POC1A: variants seen among roughly 807,000 people sequenced by gnomAD.
The protein encoded by POC1A is POC1 centriolar protein A.
Under a neutral mutation model 47.8 loss-of-function variants are expected in POC1A, and 34 were observed. That is an observed-to-expected ratio of 0.71 (90% CI 0.54 to 0.95). The LOEUF is 0.95. POC1A is among the 40% of genes least tolerant of loss of function. The pLI, the probability that POC1A is intolerant of heterozygous loss-of-function variation, is 0.00. For synonymous variants in POC1A, 177 were observed against 207.6 expected, an observed-to-expected ratio of 0.85 and a Z score of 1.27; for missense variants, 466 against 528.3, an observed-to-expected ratio of 0.88 and a Z score of 1.16.
chr3:52,091,355 C>G (rs1702641315), intron 10 of POC1A, among the ~76,000 whole-genome samples: 1 of 152,252 alleles, frequency 6.6e-6, no homozygotes, highest in Non-Finnish European at 1.5e-5. Context: ...CAAAGAAAAT[C>G]TTCAGTTCCA....
intron 7 of POC1A, among the ~76,000 whole-genome samples, chr3:52,128,516 CA>C: frequency 6.6e-6 from 1 of 152,210 alleles, no homozygotes; most frequent in Non-Finnish European, 1.5e-5. Context: ...AGGTACCTTC[CA>C]CGAAGGCTCC....
At chr3:52,154,257 G>T in intron 1 of POC1A, 98 bp downstream of exon 1, 2 of 1,317,600 alleles carry the variant, frequency 1.5e-6, no homozygotes, top group Non-Finnish European at 2.1e-6. Flanking sequence ...GGAACCTGGC[G>T]CCCCGCCCGC....
chr3:52,098,830 T>A (rs1212246284), intron 9 of POC1A, among the ~76,000 whole-genome samples: 1 of 152,232 alleles, frequency 6.6e-6, no homozygotes, highest in East Asian at 1.9e-4. Context: ...TCACCTCACT[T>A]AATACGTGTA....
At chr3:52,127,808 G>A (rs554953421) in intron 7 of POC1A, among the ~76,000 whole-genome samples, 3 of 151,724 alleles carry the variant, frequency 2.0e-5, no homozygotes, top group African/African-American at 7.3e-5. Flanking sequence ...CGATTCCTGT[G>A]CCTCAGCCTC....
chr3:52,104,658 G>C (rs763274061), intron 9 of POC1A, among the ~76,000 whole-genome samples: 1 of 152,180 alleles, frequency 6.6e-6, no homozygotes, highest in Non-Finnish European at 1.5e-5. Flanking sequence ...GAAGACCCCA[G>C]GTGAGGCCCA....
chr3:52,135,915 C>T (rs948092292), intron 7 of POC1A, among the ~76,000 whole-genome samples: 10 of 152,122 alleles, frequency 6.6e-5, no homozygotes, highest in East Asian at 1.9e-4. Context: ...CTGTAGAACC[C>T]GGTATTGACT....
Position 52,075,811 on chromosome 3 carries a change from T to A in POC1A, c.*76A>T. Reference sequence around the variant, plus strand: ...TCCCACAGAGTTCAGTCCCCTTTATTTACCCAAGTCCCATGGTACAAATCC... The same window carrying A: ...TCCCACAGAGTTCAGTCCCCTTTATATACCCAAGTCCCATGGTACAAATCC... On this transcript the variant is annotated 3_prime_UTR_variant, in exon 11 of 11. Coordinates refer to ENST00000296484, the MANE Select transcript of POC1A (RefSeq NM_015426.5). 4.6e-6 allele frequency: 5 copies of A among 1,084,544 alleles called. No homozygotes were observed. Among genetic ancestry groups the A allele is most frequent in the Non-Finnish European group, 7.1e-6 (5 of 703,200 alleles). The allele number at this position is 1,084,544 out of a possible 1,614,324, so 67.2% of individuals were successfully genotyped here. A position where few individuals can be genotyped will look rare whatever the true frequency, so the allele number is the denominator to read the frequency against.
At chr3:52,104,142 G>A (rs1703092230) in intron 9 of POC1A, among the ~76,000 whole-genome samples, 1 of 152,098 alleles carries the variant, frequency 6.6e-6, no homozygotes, top group Admixed American at 6.5e-5. Context: ...TAAATAAAAA[G>A]GAATGAACTA....
At chr3:52,142,870 T>C (rs755981321) in intron 6 of POC1A, among the ~76,000 whole-genome samples, 2 of 151,820 alleles carry the variant, frequency 1.3e-5, no homozygotes, top group African/African-American at 2.4e-5. Flanking sequence ...CAGCTAAAGG[T>C]TTTCTGGGGA....
At chr3:52,097,863 G>C (rs887938931) in intron 9 of POC1A, among the ~76,000 whole-genome samples, 7 of 152,190 alleles carry the variant, frequency 4.6e-5, no homozygotes, top group African/African-American at 1.7e-4. Context: ...CATCAGGGCT[G>C]GGTCTCTTCC....
intron 10 of POC1A, among the ~76,000 whole-genome samples, chr3:52,083,895 A>AACCAG (rs1315494266): frequency 2.0e-5 from 3 of 152,242 alleles, no homozygotes; most frequent in African/African-American, 7.2e-5. Context: ...AAAGGCCCTG[A>AACCAG]AGCACACTCT....
chr3:52,077,133 T>G (rs1385877743), intron 10 of POC1A, among the ~76,000 whole-genome samples: 1 of 152,206 alleles, frequency 6.6e-6, no homozygotes, highest in East Asian at 1.9e-4. Flanking sequence ...CCTTACTGTA[T>G]GCCAGGCCCC....
chr3:52,120,400 A>G (rs895057856), intron 9 of POC1A, among the ~76,000 whole-genome samples: 11 of 152,178 alleles, frequency 7.2e-5, no homozygotes, highest in African/African-American at 2.7e-4. Flanking sequence ...CTGGAAGAGG[A>G]CTTACATCCA....
At chr3:52,125,568 C>G (rs1237383574) in intron 7 of POC1A, among the ~76,000 whole-genome samples, 2 of 152,120 alleles carry the variant, frequency 1.3e-5, no homozygotes, top group Non-Finnish European at 2.9e-5. Flanking sequence ...AGAACTTGGT[C>G]CCTTTGACCC....
chr3:52,075,816 C>A lies in POC1A; in HGVS notation c.*71G>T, dbSNP rs1047485916. On this transcript the variant is annotated 3_prime_UTR_variant, in exon 11 of 11. Transcript: ENST00000296484. ...CAGAGTTCAGTCCCCTTTATTTACC[C>A]AAGTCCCATGGTACAAATCCCTGGC... The A allele has an allele frequency of 5.3e-6, 6 of 1,129,730 alleles. No individual in the cohort carries two copies. Among genetic ancestry groups the A allele is most frequent in the Middle Eastern group, 2.0e-4 (1 of 5,068 alleles). The allele number at this position is 1,129,730 out of a possible 1,614,324, so 70.0% of individuals were successfully genotyped here. A position where few individuals can be genotyped will look rare whatever the true frequency, so the allele number is the denominator to read the frequency against.
intron 10 of POC1A, among the ~76,000 whole-genome samples, chr3:52,076,673 A>G (rs1398370032): frequency 6.6e-6 from 1 of 152,260 alleles, no homozygotes; most frequent in African/African-American, 2.4e-5. Context: ...GCGAAAGACA[A>G]CCAAGCTCAT....
At chr3:52,082,697 G>A (rs929289272) in intron 10 of POC1A, among the ~76,000 whole-genome samples, 4 of 152,104 alleles carry the variant, frequency 2.6e-5, no homozygotes, top group Non-Finnish European at 5.9e-5. Flanking sequence ...TCTGAGCATG[G>A]TATAAAAAGA....
intron 10 of POC1A, among the ~76,000 whole-genome samples, chr3:52,091,842 C>G (rs1702656470): frequency 6.6e-6 from 1 of 152,198 alleles, no homozygotes; most frequent in African/African-American, 2.4e-5. Flanking sequence ...AAGAGCCGCA[C>G]AGCAGAGCTC....
At chr3:52,135,310 C>A (rs1704408041) in intron 7 of POC1A, among the ~76,000 whole-genome samples, 1 of 152,234 alleles carries the variant, frequency 6.6e-6, no homozygotes, top group African/African-American at 2.4e-5. Context: ...CGTATCTTAA[C>A]CAAATGCCCA....
Sources: gnomAD v4.1 joint callset for allele counts (sites outside exome capture counted in the v4.1 genomes callset) on GRCh38, gnomAD v4.1.1 for gene constraint, MANE v1.5 for transcripts, NCBI Gene and HGNC (gene_info 2026-07-23, HGNC 2026-07-21) for gene names.